ACOT1: variants seen among roughly 807,000 people sequenced by gnomAD.
ACOT1 encodes the protein acyl-coenzyme A thioesterase 1.
Under a neutral mutation model 15.7 loss-of-function variants are expected in ACOT1, and 8 were observed. That is an observed-to-expected ratio of 0.51 (90% CI 0.30 to 0.92). The LOEUF (loss-of-function observed/expected upper bound fraction) is 0.92. ACOT1 is among the 40% of genes least tolerant of loss of function. The pLI, the probability that ACOT1 is intolerant of heterozygous loss-of-function variation, is 0.06. For synonymous variants in ACOT1, 67 were observed against 241.2 expected, an observed-to-expected ratio of 0.28 and a Z score of 6.69; for missense variants, 151 against 539.4, an observed-to-expected ratio of 0.28 and a Z score of 7.13.
At chr14:73,495,166 C>T in the ACOT1 span, 1 of 1,476,062 alleles carries the variant, frequency 6.8e-7, no homozygotes, top group South Asian at 1.3e-5. Context: ...CCAAAACATC[C>T]AGATCCTGGA....
chr14:73,499,009 T>C, the ACOT1 span: 1 of 1,430,272 alleles, frequency 7.0e-7, no homozygotes, highest in Non-Finnish European at 9.9e-7. Context: ...AGGGGATCAT[T>C]TCTACTTGCA....
chr14:73,529,537 A>G, the ACOT1 span, among the ~76,000 whole-genome samples: 1 of 152,010 alleles, frequency 6.6e-6, no homozygotes, highest in South Asian at 2.1e-4. Context: ...CTAGATCCCC[A>G]ACTAGAAAAT....
chr14:73,538,742 C>A (rs1286905218), intron 1 of ACOT1, among the ~76,000 whole-genome samples: 2 of 113,860 alleles, frequency 1.8e-5, no homozygotes, highest in Non-Finnish European at 3.8e-5. Context: ...CTTTGGGAGG[C>A]CGAGGCAGGC....
At chr14:73,494,064 T>C in the ACOT1 span, among the ~76,000 whole-genome samples, 1 of 152,328 alleles carries the variant, frequency 6.6e-6, no homozygotes, top group South Asian at 2.1e-4. Context: ...TGTGCCTTCA[T>C]AGACCTTAGG....
chr14:73,514,596 T>A, the ACOT1 span, among the ~76,000 whole-genome samples: 11 of 152,254 alleles, frequency 7.2e-5, no homozygotes, highest in Non-Finnish European at 2.9e-5. Context: ...TACGTTGCAA[T>A]TTAGTGTCAT....
the ACOT1 span, chr14:73,503,017 TA>T: frequency 1.3e-6 from 2 of 1,597,568 alleles, no homozygotes; most frequent in South Asian, 2.2e-5. Context: ...TCATATCCTA[TA>T]AATAGGTATG....
chr14:73,495,146 C>T, the ACOT1 span: 1 of 1,251,922 alleles, frequency 8.0e-7, no homozygotes, highest in Non-Finnish European at 1.1e-6. Flanking sequence ...CTAAGGCTTG[C>T]TACTAAGTCC....
At chr14:73,508,751 C>CAAAAA in the ACOT1 span, among the ~76,000 whole-genome samples, 617 of 57,856 alleles carry the variant, frequency 0.011, 13 homozygotes, top group African/African-American at 0.034. Flanking sequence ...AACTCTGTCT[C>CAAAAA]AAAAAAAAAA....
chr14:73,511,599 G>A, the ACOT1 span, among the ~76,000 whole-genome samples: 1 of 151,812 alleles, frequency 6.6e-6, no homozygotes, highest in Non-Finnish European at 1.5e-5. Flanking sequence ...TCTTGGCTGG[G>A]CACAGTGGCT....
the ACOT1 span, among the ~76,000 whole-genome samples, chr14:73,513,757 A>AAAAAG: frequency 7.1e-6 from 1 of 140,746 alleles, no homozygotes; most frequent in Admixed American, 7.0e-5. Flanking sequence ...AAAAAAAAAA[A>AAAAAG]TGGTCTCTGC....
chr14:73,502,989 G>C, the ACOT1 span: 17 of 1,613,648 alleles, frequency 1.1e-5, no homozygotes, highest in African/African-American at 1.5e-4. Flanking sequence ...TTCCACATCA[G>C]CTGGATCAAC....
chr14:73,491,716 G>A, the ACOT1 span: 2 of 1,551,068 alleles, frequency 1.3e-6, no homozygotes, highest in Non-Finnish European at 1.7e-6. Flanking sequence ...TGCGGCGGCA[G>A]GACCACACCT....
chr14:73,535,451 C>CTT (rs1555394217), upstream of ACOT1, among the ~76,000 whole-genome samples: 1 of 32,710 alleles, frequency 3.1e-5, no homozygotes, highest in Non-Finnish European at 1.2e-4. Flanking sequence ...CTCCCTTTTT[C>CTT]TTTTCTTTTT....
the ACOT1 span, among the ~76,000 whole-genome samples, chr14:73,526,752 C>G: frequency 6.6e-6 from 1 of 152,228 alleles, no homozygotes; most frequent in East Asian, 1.9e-4. Context: ...CACCTGCTGA[C>G]TAAAGTGCCC....
chr14:73,526,013 C>G, the ACOT1 span, among the ~76,000 whole-genome samples: 1 of 151,708 alleles, frequency 6.6e-6, no homozygotes, highest in South Asian at 2.1e-4. Context: ...ATCACAGTAC[C>G]TGGTTTTCAC....
At chr14:73,492,400 C>T in the ACOT1 span, 8 of 1,613,852 alleles carry the variant, frequency 5.0e-6, no homozygotes, top group South Asian at 2.2e-5. The surrounding 1 kb of genome is among the most constrained non-coding windows in gnomAD (Gnocchi z 4.9). Context: ...TCATGGATTA[C>T]ATGGGGGCCC....
chr14:73,509,434 G>A, the ACOT1 span: 1 of 1,614,052 alleles, frequency 6.2e-7, no homozygotes, highest in Non-Finnish European at 8.5e-7. Context: ...AGCCTCTAGG[G>A]CAGGCAGTAG....
At chr14:73,522,645 T>C in the ACOT1 span, 1 of 1,614,202 alleles carries the variant, frequency 6.2e-7, no homozygotes, top group Non-Finnish European at 8.5e-7. Flanking sequence ...TCTGGATGCA[T>C]GCAGGGATGA....
chr14:73,519,483 C>T, the ACOT1 span, among the ~76,000 whole-genome samples: 3 of 152,182 alleles, frequency 2.0e-5, no homozygotes, highest in Non-Finnish European at 2.9e-5. Flanking sequence ...TGGTGGCTCA[C>T]ACCTGTAATC....
Sources: gnomAD v4.1 joint callset for allele counts (sites outside exome capture counted in the v4.1 genomes callset) on GRCh38, gnomAD v4.1.1 for gene constraint, Gnocchi (gnomAD v3.1) non-coding constraint, MANE v1.5 for transcripts, NCBI Gene and HGNC (gene_info 2026-07-23, HGNC 2026-07-21) for gene names.